SMYD3: variants seen among roughly 807,000 people sequenced by gnomAD.
SMYD3 encodes the protein SET and MYND domain containing 3, also known as histone-lysine N-methyltransferase SMYD3.
SMYD3 carries 36 observed loss-of-function variants against 57.7 expected under a neutral mutation model. The observed-to-expected ratio is 0.62, with a 90% CI of 0.48 to 0.82. SMYD3 has a LOEUF of 0.82. SMYD3 is among the 40% of genes least tolerant of loss of function. The probability of loss-of-function intolerance (pLI) is 0.00; values close to 1 mark genes in which losing one functional copy is unlikely to be tolerated. For missense variants in SMYD3, 515 were observed against 538.8 expected, an observed-to-expected ratio of 0.96 and a Z score of 0.44; for synonymous variants, 211 against 195.0, an observed-to-expected ratio of 1.08 and a Z score of -0.68.
chr1:245,942,574 A>G (rs2147901842), intron 5 of SMYD3, among the ~76,000 whole-genome samples: 1 of 152,364 alleles, frequency 6.6e-6, no homozygotes, highest in South Asian at 2.1e-4. Context: ...TCATCAAGAC[A>G]GAATATTAAT....
intron 5 of SMYD3, among the ~76,000 whole-genome samples, chr1:246,009,805 CTTTT>C (rs74163100): frequency 1.3e-5 from 1 of 75,622 alleles, no homozygotes; most frequent in Non-Finnish European, 2.5e-5. Flanking sequence ...CATGTAAGAT[CTTTT>C]TTTTTTTTTT....
rs535155400 is a variant in SMYD3, at chr1:246,284,618, A to G, written c.531+42583T>C. Among the ~76,000 whole-genome samples the G allele has an allele frequency of 4.7e-4, 71 of 151,582 alleles. No individual in the cohort carries two copies. The South Asian group carries it at 6.2e-3, about 13-fold the overall frequency. On this transcript the variant is annotated intron_variant, in intron 5 of 11. Coordinates refer to ENST00000490107, the MANE Select transcript of SMYD3 (RefSeq NM_001167740.2). ...TTTTTAGTAGAGACGGGGTTTCACC[A>G]TGTTAGCCAAGATGGTCTCGATCTC...
intron 11 of SMYD3, among the ~76,000 whole-genome samples, chr1:245,756,869 G>A (rs915785530): frequency 6.6e-5 from 10 of 150,498 alleles, no homozygotes; most frequent in African/African-American, 2.0e-4. Context: ...AACTGCTTTC[G>A]GTTTATACTG....
intron 5 of SMYD3, among the ~76,000 whole-genome samples, chr1:246,317,452 T>C (rs1460898920): frequency 6.6e-6 from 1 of 152,290 alleles, no homozygotes; most frequent in Non-Finnish European, 1.5e-5. Context: ...CTGCTCAGTC[T>C]GCAAGCTAAG....
At chr1:246,351,484 T>G (rs931997016) in intron 2 of SMYD3, among the ~76,000 whole-genome samples, 1 of 152,216 alleles carries the variant, frequency 6.6e-6, no homozygotes, top group Non-Finnish European at 1.5e-5. Context: ...ATGTTCTGTT[T>G]ATAGCAATAG....
chr1:245,956,242 C>T (rs1012216777), intron 5 of SMYD3: 2 of 164,140 alleles, frequency 1.2e-5, no homozygotes, highest in African/African-American at 4.8e-5. Flanking sequence ...ATACTAGCAC[C>T]TACTAATGTA....
chr1:245,763,980 C>T, intron 11 of SMYD3, 61 bp downstream of exon 11: 2 of 1,262,574 alleles, frequency 1.6e-6, no homozygotes, highest in Non-Finnish European at 2.3e-6. Flanking sequence ...CACAAAGAGG[C>T]CCAGCAACAG....
At chr1:246,250,035 G>A (rs543679767) in intron 5 of SMYD3, among the ~76,000 whole-genome samples, 2 of 152,222 alleles carry the variant, frequency 1.3e-5, no homozygotes, top group South Asian at 4.1e-4. Context: ...AAATTCAAAC[G>A]CATTCCTTTC....
intron 10 of SMYD3, among the ~76,000 whole-genome samples, chr1:245,793,141 CT>C (rs1406479182): frequency 2.2e-4 from 33 of 147,896 alleles, no homozygotes; most frequent in Non-Finnish European, 1.5e-5. Context: ...AACCCCGTCT[CT>C]ACTAAAAATA....
At chr1:246,420,543 T>C (rs561935242) in intron 1 of SMYD3, among the ~76,000 whole-genome samples, 1 of 152,350 alleles carries the variant, frequency 6.6e-6, no homozygotes, top group East Asian at 1.9e-4. Flanking sequence ...AACAGTTTTA[T>C]TTCCAAGAAT....
chr1:245,812,997 G>GAC (rs2048566336), intron 10 of SMYD3, among the ~76,000 whole-genome samples: 1 of 144,686 alleles, frequency 6.9e-6, no homozygotes, highest in Non-Finnish European at 1.5e-5. Context: ...ATGGTCATGA[G>GAC]ACAGCTTCTT....
intron 1 of SMYD3, among the ~76,000 whole-genome samples, chr1:246,435,143 T>C (rs540675287): frequency 2.0e-5 from 3 of 152,192 alleles, no homozygotes; most frequent in South Asian, 2.1e-4. Flanking sequence ...ACGGCAACAA[T>C]AGACACTGGT....
chr1:246,314,844 T>C (rs1182332758), intron 5 of SMYD3, among the ~76,000 whole-genome samples: 1 of 152,236 alleles, frequency 6.6e-6, no homozygotes, highest in African/African-American at 2.4e-5. Flanking sequence ...GATACTATTC[T>C]GTAACTTATT....
At chr1:245,763,967 AAT>A in intron 11 of SMYD3, 72 bp downstream of exon 11, 2 of 1,132,536 alleles carry the variant, frequency 1.8e-6, no homozygotes, top group Non-Finnish European at 1.3e-6. Context: ...GCTGCTAACA[AAT>A]CACAAAGAGG....
intron 5 of SMYD3, among the ~76,000 whole-genome samples, chr1:246,121,858 C>A (rs1255600026): frequency 6.6e-6 from 1 of 152,096 alleles, no homozygotes; most frequent in Non-Finnish European, 1.5e-5. Context: ...CACAATATAG[C>A]AAAGCGATTA....
intron 1 of SMYD3, among the ~76,000 whole-genome samples, chr1:246,499,949 G>T (rs528115436): frequency 6.6e-6 from 1 of 152,248 alleles, no homozygotes; most frequent in South Asian, 2.1e-4. Context: ...GAGAACCACT[G>T]GTCTATAACA....
chr1:246,011,199 A>C (rs369427716), intron 5 of SMYD3, among the ~76,000 whole-genome samples: 3 of 152,336 alleles, frequency 2.0e-5, no homozygotes, highest in African/African-American at 7.2e-5. Flanking sequence ...AGATGGGGAA[A>C]TCAAGGCCCT....
At chr1:246,018,308 C>T (rs1294442503) in intron 5 of SMYD3, among the ~76,000 whole-genome samples, 1 of 152,186 alleles carries the variant, frequency 6.6e-6, no homozygotes, top group African/African-American at 2.4e-5. Flanking sequence ...GTTGCCCTCT[C>T]CTGCCCGGCT....
chr1:245,930,235 G>C, intron 5 of SMYD3: 1 of 445,702 alleles, frequency 2.2e-6, no homozygotes, highest in Non-Finnish European at 4.2e-6. Flanking sequence ...CTACCCCAAA[G>C]TTACAGTTAC....
Sources: gnomAD v4.1 joint callset for allele counts (sites outside exome capture counted in the v4.1 genomes callset) on GRCh38, gnomAD v4.1.1 for gene constraint, MANE v1.5 for transcripts, NCBI Gene and HGNC (gene_info 2026-07-23, HGNC 2026-07-21) for gene names.